SLC25A21: variants seen among roughly 807,000 people sequenced by gnomAD.
SLC25A21 encodes the protein mitochondrial 2-oxodicarboxylate carrier.
A neutral mutation model predicts 43.8 loss-of-function variants in SLC25A21; 47 were observed. The observed-to-expected ratio is 1.07, with a 90% CI of 0.85 to 1.37. The LOEUF is 1.37. Ranked by LOEUF, SLC25A21 falls within the 40% of genes most tolerant of loss-of-function variation. The pLI, the probability that SLC25A21 is intolerant of heterozygous loss-of-function variation, is 0.00. For missense variants in SLC25A21, 352 were observed against 350.2 expected (o/e 1.00, Z -0.04); for synonymous variants, 131 against 121.3 (o/e 1.08, Z -0.52).
At chr14:37,058,649 G>A (rs776959801) in intron 1 of SLC25A21, among the ~76,000 whole-genome samples, 9 of 152,156 alleles carry the variant, frequency 5.9e-5, no homozygotes, top group African/African-American at 1.9e-4. Context: ...TAAACAGAAG[G>A]TTCTCTGACA....
At chr14:37,093,837 T>C (rs1962635386) in intron 1 of SLC25A21, among the ~76,000 whole-genome samples, 1 of 152,202 alleles carries the variant, frequency 6.6e-6, no homozygotes, top group Non-Finnish European at 1.5e-5. Flanking sequence ...CCAGCCCCCT[T>C]AAAACCTAAG....
intron 4 of SLC25A21, among the ~76,000 whole-genome samples, chr14:36,731,059 G>A (rs1392765083): frequency 1.3e-5 from 2 of 149,162 alleles, no homozygotes; most frequent in African/African-American, 5.0e-5. Flanking sequence ...TGCAAGCTCC[G>A]CCTCCCGGGT....
chr14:37,145,350 T>C (rs186935630), intron 1 of SLC25A21, among the ~76,000 whole-genome samples: 68 of 151,990 alleles, frequency 4.5e-4, no homozygotes, highest in African/African-American at 1.6e-3. Context: ...TCCTCATGCC[T>C]TAGTCTCAGG....
chr14:37,002,229 G>A (rs777210210), intron 1 of SLC25A21, among the ~76,000 whole-genome samples: 5 of 152,172 alleles, frequency 3.3e-5, no homozygotes, highest in Non-Finnish European at 7.3e-5. Flanking sequence ...TCCAGCTGGA[G>A]TGGTGGGGAT....
chr14:37,066,073 G>C (rs1421245496), intron 1 of SLC25A21, among the ~76,000 whole-genome samples: 5 of 152,032 alleles, frequency 3.3e-5, no homozygotes, highest in Non-Finnish European at 7.4e-5. Flanking sequence ...AGAGAGGAGA[G>C]GAAAAGAAAT....
intron 1 of SLC25A21, among the ~76,000 whole-genome samples, chr14:37,013,732 G>A (rs188868313): frequency 5.9e-5 from 9 of 152,158 alleles, no homozygotes; most frequent in East Asian, 3.9e-4. Flanking sequence ...GTAGGCCAGC[G>A]TTTATTTCCT....
intron 3 of SLC25A21, among the ~76,000 whole-genome samples, chr14:36,796,362 T>C (rs893518056): frequency 6.7e-6 from 1 of 149,540 alleles, no homozygotes; most frequent in Non-Finnish European, 1.5e-5. Context: ...TATTTATTTA[T>C]TTATTTATTT....
chr14:36,962,166 G>T (rs774214774), intron 1 of SLC25A21, among the ~76,000 whole-genome samples: 4 of 151,994 alleles, frequency 2.6e-5, no homozygotes, highest in Admixed American at 6.6e-5. Context: ...CTGTCTACCA[G>T]GTCCCATGCT....
chr14:36,879,319 T>C (rs1890639896), intron 1 of SLC25A21, among the ~76,000 whole-genome samples: 1 of 152,198 alleles, frequency 6.6e-6, no homozygotes, highest in Non-Finnish European at 1.5e-5. Flanking sequence ...TTCAGGCAAC[T>C]GCTGATTTAT....
intron 1 of SLC25A21, among the ~76,000 whole-genome samples, chr14:37,157,564 C>G (rs967668776): frequency 3.3e-5 from 5 of 151,956 alleles, no homozygotes; most frequent in Non-Finnish European, 7.4e-5. Context: ...CACAACATAC[C>G]AAAACCCATG....
At chr14:37,035,595 A>C (rs1961310294) in intron 1 of SLC25A21, among the ~76,000 whole-genome samples, 1 of 152,218 alleles carries the variant, frequency 6.6e-6, no homozygotes, top group African/African-American at 2.4e-5. Context: ...TTATATTCTC[A>C]ACAAACTGGG....
intron 1 of SLC25A21, among the ~76,000 whole-genome samples, chr14:36,981,919 A>C (rs946168643): frequency 2.0e-5 from 3 of 152,232 alleles, no homozygotes; most frequent in Non-Finnish European, 4.4e-5. Context: ...AGGCGAGTTG[A>C]TGTATCTACT....
At chr14:37,166,807 T>C (rs961876017) in intron 1 of SLC25A21, among the ~76,000 whole-genome samples, 3 of 152,204 alleles carry the variant, frequency 2.0e-5, no homozygotes, top group Non-Finnish European at 2.9e-5. Context: ...AAGTTCTTTG[T>C]AGGTGTTTTG....
At chr14:37,030,495 G>C (rs1409481707) in intron 1 of SLC25A21, among the ~76,000 whole-genome samples, 1 of 151,446 alleles carries the variant, frequency 6.6e-6, no homozygotes, top group African/African-American at 2.4e-5. Context: ...TCCAGCTTGG[G>C]AACAAATGTT....
intron 4 of SLC25A21, among the ~76,000 whole-genome samples, chr14:36,733,955 G>A (rs1031398757): frequency 6.6e-6 from 1 of 152,142 alleles, no homozygotes; most frequent in Admixed American, 6.5e-5. Context: ...TCAGGGTAGT[G>A]GAAGTAATAA....
chr14:36,919,828 A>G (rs1393335370), intron 1 of SLC25A21, among the ~76,000 whole-genome samples: 1 of 152,056 alleles, frequency 6.6e-6, no homozygotes, highest in African/African-American at 2.4e-5. Context: ...CACAGACCAC[A>G]TTATTATATC....
chr14:36,686,908 C>G (rs911802904), intron 7 of SLC25A21, among the ~76,000 whole-genome samples: 2 of 152,122 alleles, frequency 1.3e-5, no homozygotes, highest in African/African-American at 4.8e-5. Context: ...GTCTCCAGGC[C>G]ATCGTATCAT....
At chr14:36,733,406 A>G (rs1884909570) in intron 4 of SLC25A21, among the ~76,000 whole-genome samples, 1 of 152,234 alleles carries the variant, frequency 6.6e-6, no homozygotes, top group Non-Finnish European at 1.5e-5. Context: ...CACAAAACCT[A>G]TACCAACAAA....
intron 1 of SLC25A21, among the ~76,000 whole-genome samples, chr14:37,035,663 AG>A (rs1295248899): frequency 6.6e-6 from 1 of 152,218 alleles, no homozygotes; most frequent in East Asian, 1.9e-4. Flanking sequence ...TCTCCAAGGA[AG>A]ACCTCAAGCT....
Sources: gnomAD v4.1 joint callset for allele counts (sites outside exome capture counted in the v4.1 genomes callset) on GRCh38, gnomAD v4.1.1 for gene constraint, MANE v1.5 for transcripts, NCBI Gene and HGNC (gene_info 2026-07-23, HGNC 2026-07-21) for gene names.